The following ANKS1B variants were observed in gnomAD, a reference collection of about 807,000 sequenced individuals.
ANKS1B encodes the protein ankyrin repeat and sterile alpha motif domain containing 1B.
Under a neutral mutation model 148.3 loss-of-function variants are expected in ANKS1B, and 36 were observed. The ratio of observed to expected loss-of-function variants is 0.24; its 90% CI spans 0.19 to 0.32. The LOEUF is 0.32. ANKS1B is among the 10% of genes least tolerant of loss of function. The pLI is 1.00. For missense variants in ANKS1B, 1,157 were observed against 1,542.6 expected (o/e 0.75, Z 4.19); for synonymous variants, 542 against 560.8 (o/e 0.97, Z 0.47).
At chr12:99,162,485 G>A (rs2076758147) in intron 14 of ANKS1B, among the ~76,000 whole-genome samples, 1 of 152,014 alleles carries the variant, frequency 6.6e-6, no homozygotes, top group African/African-American at 2.4e-5. Context: ...GGTAGTTTTA[G>A]TGCTCTGGGT....
chr12:99,523,046 T>G (rs1031866089), intron 9 of ANKS1B, among the ~76,000 whole-genome samples: 1 of 152,288 alleles, frequency 6.6e-6, no homozygotes, highest in Middle Eastern at 3.4e-3. Flanking sequence ...AATCAGAAAT[T>G]AGGTGGCCTA....
At chr12:99,267,158 G>A (rs185705248) in intron 12 of ANKS1B, among the ~76,000 whole-genome samples, 2 of 152,222 alleles carry the variant, frequency 1.3e-5, no homozygotes, top group African/African-American at 4.8e-5. Context: ...CACTATAAAG[G>A]ACAAGGGTCA....
chr12:99,589,881 C>G (rs981726853), intron 9 of ANKS1B, among the ~76,000 whole-genome samples: 3 of 151,964 alleles, frequency 2.0e-5, no homozygotes, highest in Non-Finnish European at 2.9e-5. Flanking sequence ...CCCCAATTAC[C>G]CTGATTTGAC....
intron 10 of ANKS1B, 138 bp from the exon 11 acceptor site, chr12:99,443,947 C>T (rs2095592058): frequency 3.1e-6 from 3 of 983,206 alleles, no homozygotes; most frequent in East Asian, 2.5e-5. Flanking sequence ...GAGGAATATG[C>T]TCAGTAGTAT....
At chr12:99,749,663 G>A (rs1467869890) in intron 8 of ANKS1B, among the ~76,000 whole-genome samples, 1 of 151,916 alleles carries the variant, frequency 6.6e-6, no homozygotes, top group Non-Finnish European at 1.5e-5. Flanking sequence ...AGTAAACAAG[G>A]TTTTATCACC....
At chr12:99,328,193 A>G (rs749886039) in intron 12 of ANKS1B, among the ~76,000 whole-genome samples, 1 of 152,022 alleles carries the variant, frequency 6.6e-6, no homozygotes, top group Non-Finnish European at 1.5e-5. Context: ...GTTGAGTCCT[A>G]TATTTGCCCC....
At chr12:99,469,627 A>G (rs922589896) in intron 10 of ANKS1B, among the ~76,000 whole-genome samples, 2 of 152,098 alleles carry the variant, frequency 1.3e-5, no homozygotes, top group Non-Finnish European at 2.9e-5. Context: ...ACAATATTTC[A>G]TGTATTTTTA....
chr12:99,147,518 T>G (rs147042633), intron 15 of ANKS1B, among the ~76,000 whole-genome samples: 51 of 152,294 alleles, frequency 3.3e-4, no homozygotes, highest in Non-Finnish European at 5.7e-4. Context: ...TGAAGGATTT[T>G]AAGCAGAGTA....
chr12:99,825,192 AAAT>A, intron 2 of ANKS1B, 114 bp downstream of exon 2: 1 of 821,068 alleles, frequency 1.2e-6, no homozygotes, highest in Non-Finnish European at 1.9e-6. Context: ...GTCCCTTTCC[AAAT>A]TCACCTAAGC....
At chr12:99,861,174 A>G (rs1389794196) in intron 1 of ANKS1B, among the ~76,000 whole-genome samples, 1 of 152,226 alleles carries the variant, frequency 6.6e-6, no homozygotes, top group East Asian at 1.9e-4. Context: ...CAGGTCTCAG[A>G]GCAGAACCCT....
At chr12:99,781,997 C>T (rs2064382586) in intron 5 of ANKS1B, 25 bp downstream of exon 5, 2 of 1,565,400 alleles carry the variant, frequency 1.3e-6, no homozygotes, top group Non-Finnish European at 1.7e-6. Context: ...TCAGGATAAG[C>T]TCCATGCAGA....
At chr12:99,258,610 G>GTT (rs56955440) in intron 12 of ANKS1B, among the ~76,000 whole-genome samples, 16,860 of 134,724 alleles carry the variant, frequency 0.13, 2,364 homozygotes, top group African/African-American at 0.34. Context: ...TTATCCACTT[G>GTT]TTTTTTTTTT....
chr12:99,301,225 G>C (rs1412463755), intron 12 of ANKS1B, among the ~76,000 whole-genome samples: 6 of 152,190 alleles, frequency 3.9e-5, no homozygotes, highest in African/African-American at 9.7e-5. Context: ...GGTGAGGGCA[G>C]ATTGTCTTTA....
intron 15 of ANKS1B, among the ~76,000 whole-genome samples, chr12:99,089,390 T>C (rs1261977191): frequency 6.6e-6 from 1 of 152,192 alleles, no homozygotes; most frequent in Non-Finnish European, 1.5e-5. Context: ...ATGTTAAGAA[T>C]GACCCCTCAA....
At chr12:99,305,189 C>T (rs761305313) in intron 12 of ANKS1B, among the ~76,000 whole-genome samples, 1 of 151,952 alleles carries the variant, frequency 6.6e-6, no homozygotes, top group Non-Finnish European at 1.5e-5. Flanking sequence ...GGTACCAAGC[C>T]ATTCATGAGG....
chr12:99,058,719 CT>C (rs869064302), intron 16 of ANKS1B, among the ~76,000 whole-genome samples: 1 of 80,668 alleles, frequency 1.2e-5, no homozygotes, highest in Non-Finnish European at 2.4e-5. Context: ...TCTATCTATC[CT>C]TTTTTTTTTT....
intron 11 of ANKS1B, among the ~76,000 whole-genome samples, chr12:99,422,624 C>G (rs781709084): frequency 6.6e-6 from 1 of 152,112 alleles, no homozygotes; most frequent in African/African-American, 2.4e-5. Flanking sequence ...AAGATACAGA[C>G]AGCACATGTA....
At chr12:99,591,628 AT>A (rs2097703958) in intron 9 of ANKS1B, among the ~76,000 whole-genome samples, 1 of 152,050 alleles carries the variant, frequency 6.6e-6, no homozygotes, top group Admixed American at 6.6e-5. Context: ...AATATGTAAA[AT>A]TGCCACTCTG....
chr12:99,794,390 G>C (rs1374404793), intron 4 of ANKS1B, among the ~76,000 whole-genome samples: 3 of 151,148 alleles, frequency 2.0e-5, no homozygotes, highest in South Asian at 4.2e-4. Flanking sequence ...TTGTGGCACT[G>C]TTCACAATAG....
Sources: allele counts gnomAD v4.1 joint callset (sites outside exome capture counted in the v4.1 genomes callset), GRCh38; gene constraint gnomAD v4.1.1; transcripts MANE v1.5; gene names NCBI Gene and HGNC (gene_info 2026-07-23, HGNC 2026-07-21).